STRN3: variants seen among roughly 807,000 people sequenced by gnomAD.
STRN3 encodes the protein striatin 3.
STRN3 carries 29 observed loss-of-function variants against 95.6 expected under a neutral mutation model. That is an observed-to-expected ratio of 0.30 (90% CI 0.23 to 0.41). The LOEUF (loss-of-function observed/expected upper bound fraction) is 0.41. STRN3 is among the 10% of genes least tolerant of loss of function. The probability of loss-of-function intolerance (pLI) is 1.00; values close to 1 mark genes in which losing one functional copy is unlikely to be tolerated. For missense variants in STRN3, 890 were observed against 972.1 expected (o/e 0.92, Z 1.12); for synonymous variants, 331 against 357.6 (o/e 0.93, Z 0.84).
At chr14:31,010,769 T>TGGC (rs1882933870) in intron 1 of STRN3, among the ~76,000 whole-genome samples, 1 of 152,236 alleles carries the variant, frequency 6.6e-6, no homozygotes, top group Non-Finnish European at 1.5e-5. Flanking sequence ...CCAGATGTGC[T>TGGC]GGCTTATGCC....
At chr14:30,958,327 A>C (rs1880021937) in intron 1 of STRN3, among the ~76,000 whole-genome samples, 1 of 152,066 alleles carries the variant, frequency 6.6e-6, no homozygotes, top group Non-Finnish European at 1.5e-5. Context: ...TAAAAATAAA[A>C]ATAAACAAAT....
intron 5 of STRN3, among the ~76,000 whole-genome samples, chr14:30,944,146 A>AG (rs891043967): frequency 1.2e-4 from 18 of 152,128 alleles, no homozygotes; most frequent in African/African-American, 3.6e-4. Flanking sequence ...ACTAAGAGTG[A>AG]GGGGGAAAAA....
intron 8 of STRN3, among the ~76,000 whole-genome samples, chr14:30,926,034 A>G (rs1301403600): frequency 2.0e-5 from 3 of 152,142 alleles, no homozygotes; most frequent in Non-Finnish European, 4.4e-5. Flanking sequence ...ACAGAAAAAA[A>G]AAGAAAGTTT....
intron 12 of STRN3, 65 bp downstream of exon 12, chr14:30,911,712 G>A: frequency 7.1e-7 from 1 of 1,412,448 alleles, no homozygotes; most frequent in South Asian, 1.3e-5. Flanking sequence ...CAAGGTTTGA[G>A]GACCGATAAA....
chr14:30,934,310 G>A lies in STRN3; in HGVS notation c.988+853C>T, dbSNP rs137927484. Among the ~76,000 whole-genome samples the A allele has an allele frequency of 2.3e-3, 351 of 152,170 alleles. 1 individual carries two copies. Among genetic ancestry groups the A allele is most frequent in the African/African-American group, 8.1e-3 (335 of 41,526 alleles). On this transcript the variant is annotated intron_variant, in intron 7 of 17. Transcript: ENST00000357479. ...CTGCATTGCAGCCTGGCGACAGAGC[G>A]AGACTCTGTCTCAAAAAATAATAAT...
At position 30,894,672 on chromosome 14, in the gene STRN3, A is replaced by G. The variant is rs1896079346; in HGVS notation, c.*739T>C. 1 of 161,894 alleles carries G rather than the reference A, an allele frequency of 6.2e-6. No individual in the cohort carries two copies. Among genetic ancestry groups the G allele is most frequent in the African/African-American group, 2.4e-5 (1 of 41,504 alleles). The allele number at this position is 161,894 out of a possible 1,614,324, so 10.0% of individuals were successfully genotyped here. On this transcript the variant is annotated 3_prime_UTR_variant, in exon 18 of 18. Coordinates refer to ENST00000357479, the MANE Select transcript of STRN3 (RefSeq NM_001083893.2). Reference sequence around the variant, plus strand: ...ATTTAGCATCTTTATGGAAGGACTTAGCTGAGCTGTATTAGGCAAAAGAAG... The same window carrying G: ...ATTTAGCATCTTTATGGAAGGACTTGGCTGAGCTGTATTAGGCAAAAGAAG...
In STRN3 at chr14:30,894,943, T is replaced by C. The variant is rs747450536; in HGVS notation, c.*468A>G. The C allele has an allele frequency of 2.7e-6, 3 of 1,102,276 alleles. No individual in the cohort carries two copies. Among genetic ancestry groups the C allele is most frequent in the Non-Finnish European group, 3.4e-6 (3 of 873,524 alleles). The allele number at this position is 1,102,276 out of a possible 1,614,324, so 68.3% of individuals were successfully genotyped here. On this transcript the variant is annotated 3_prime_UTR_variant, in exon 18 of 18. Transcript: ENST00000357479. ...TAAGTTTAAAAGGGAATCTGTGGCA[T>C]TCAACCGATAAACAGAAGATCACTA...
intron 5 of STRN3, 112 bp from the exon 6 acceptor site, chr14:30,936,736 C>CCTACTGT (rs1312137465): frequency 7.0e-6 from 9 of 1,285,622 alleles, no homozygotes; most frequent in African/African-American, 3.0e-5. Context: ...CGAATGACTA[C>CCTACTGT]CTACTGTCTG....
In STRN3 at chr14:30,895,023, T is replaced by C. The variant is rs1896094008; in HGVS notation, c.*388A>G. On this transcript the variant is annotated 3_prime_UTR_variant, in exon 18 of 18. Coordinates refer to ENST00000357479, the MANE Select transcript of STRN3 (RefSeq NM_001083893.2). Reference sequence around the variant, plus strand: ...CACTTCCCCCAACAAGAGCACCACATTCCTAACCCCTAAGGCAGCACACAG... The same window carrying C: ...CACTTCCCCCAACAAGAGCACCACACTCCTAACCCCTAAGGCAGCACACAG... The C allele has an allele frequency of 4.3e-6, 1 of 230,434 alleles. No individual in the cohort carries two copies. Among genetic ancestry groups the C allele is most frequent in the Admixed American group, 9.3e-5 (1 of 10,796 alleles). The allele number at this position is 230,434 out of a possible 1,614,324, so 14.3% of individuals were successfully genotyped here. A position where few individuals can be genotyped will look rare whatever the true frequency, so the allele number is the denominator to read the frequency against.
intron 1 of STRN3, among the ~76,000 whole-genome samples, chr14:30,973,403 A>G (rs1392340583): frequency 1.3e-5 from 2 of 151,656 alleles, no homozygotes; most frequent in Non-Finnish European, 2.9e-5. Context: ...AGAAAGAGAG[A>G]AGGGAGGGAG....
chr14:30,900,451 G>GGT (rs1555313846), intron 16 of STRN3, among the ~76,000 whole-genome samples: 1 of 148,946 alleles, frequency 6.7e-6, no homozygotes, highest in Non-Finnish European at 1.5e-5. Context: ...GGCGGGGGGG[G>GGT]GCGGTGTGTG....
intron 16 of STRN3, among the ~76,000 whole-genome samples, chr14:30,899,341 T>G (rs980771855): frequency 1.1e-4 from 17 of 152,208 alleles, no homozygotes; most frequent in African/African-American, 3.6e-4. Context: ...GTCCTGAAGA[T>G]CTCTCTGAAA....
At chr14:30,927,226 T>C (rs1878227000) in intron 8 of STRN3, among the ~76,000 whole-genome samples, 1 of 152,114 alleles carries the variant, frequency 6.6e-6, no homozygotes, top group African/African-American at 2.4e-5. Flanking sequence ...GGTGGGAGGA[T>C]ATCTTGAGGA....
intron 1 of STRN3, among the ~76,000 whole-genome samples, chr14:31,001,202 TAAC>T (rs1051373457): frequency 4.6e-5 from 7 of 152,150 alleles, no homozygotes; most frequent in Non-Finnish European, 7.3e-5. Flanking sequence ...CATATATTCT[TAAC>T]AACTTAAACA....
chr14:30,948,163 C>T (rs1403918786), intron 4 of STRN3, among the ~76,000 whole-genome samples: 1 of 152,146 alleles, frequency 6.6e-6, no homozygotes, highest in Non-Finnish European at 1.5e-5. Flanking sequence ...TTTCAGGTTT[C>T]TAGCTTGGAT....
chr14:30,970,342 T>A (rs1880763723), intron 1 of STRN3, among the ~76,000 whole-genome samples: 1 of 152,218 alleles, frequency 6.6e-6, no homozygotes. Context: ...GTAGAGCTTT[T>A]ATGCCGTAGT....
At chr14:30,951,003 C>A in intron 3 of STRN3, 59 bp from the exon 4 acceptor site, 2 of 1,440,978 alleles carry the variant, frequency 1.4e-6, no homozygotes, top group South Asian at 1.2e-5. Context: ...AAAATATTGC[C>A]AAAGTTTTCT....
intron 5 of STRN3, among the ~76,000 whole-genome samples, chr14:30,946,414 C>T (rs1310938073): frequency 6.6e-6 from 1 of 151,886 alleles, no homozygotes; most frequent in Non-Finnish European, 1.5e-5. Context: ...CATAGTGGCG[C>T]ATGCCTGGAA....
intron 7 of STRN3, among the ~76,000 whole-genome samples, chr14:30,933,670 C>T (rs917432336): frequency 6.6e-6 from 1 of 152,062 alleles, no homozygotes; most frequent in African/African-American, 2.4e-5. Context: ...ATAGTAAGTA[C>T]AAAAATGTAG....
Sources: allele counts gnomAD v4.1 joint callset (sites outside exome capture counted in the v4.1 genomes callset), GRCh38; gene constraint gnomAD v4.1.1; transcripts MANE v1.5; gene names NCBI Gene and HGNC (gene_info 2026-07-23, HGNC 2026-07-21).